Variants in POLR1C observed in about 807,000 individuals in gnomAD.
The protein encoded by POLR1C is RNA polymerase I and III subunit C, also known as DNA-directed RNA polymerases I and III subunit RPAC1.
In POLR1C, 42 loss-of-function variants were observed where a neutral mutation model predicts 38.3. The observed-to-expected ratio is 1.10, with a 90% CI of 0.86 to 1.42. The LOEUF (loss-of-function observed/expected upper bound fraction) is 1.42, where lower values mean the gene tolerates loss of function less well. Among genes scored for constraint, POLR1C ranks in the 40% most tolerant of loss-of-function variants. The probability of loss-of-function intolerance (pLI) is 0.00; values close to 1 mark genes in which losing one functional copy is unlikely to be tolerated. For missense variants in POLR1C, 507 were observed against 450.5 expected (o/e 1.13, Z -1.14); for synonymous variants, 163 against 163.9 (o/e 0.99, Z 0.04).
chr6:43,523,896 C>T (rs1561861048), downstream of POLR1C: 1 of 1,614,008 alleles, frequency 6.2e-7, no homozygotes, highest in Non-Finnish European at 8.5e-7. Context: ...GGCCAGGCCA[C>T]CCCCATCATT....
intron 9 of POLR1C, among the ~76,000 whole-genome samples, chr6:43,537,123 C>G (rs891261753): frequency 6.7e-6 from 1 of 149,798 alleles, no homozygotes; most frequent in African/African-American, 2.5e-5. Context: ...TGCACCACCA[C>G]ACGTGAATAA....
chr6:43,553,545 A>C, intron 10 of POLR1C: 1 of 1,534,868 alleles, frequency 6.5e-7, no homozygotes, highest in Non-Finnish European at 8.8e-7. Context: ...ACACACACAC[A>C]CACAATTATC....
intron 10 of POLR1C, chr6:43,560,780 C>A: frequency 2.8e-6 from 2 of 703,910 alleles, no homozygotes; most frequent in Non-Finnish European, 2.4e-6. Flanking sequence ...GCCAATAATT[C>A]TCTTAATGAA....
At chr6:43,542,982 T>C (rs771206417) in intron 9 of POLR1C, among the ~76,000 whole-genome samples, 9 of 152,264 alleles carry the variant, frequency 5.9e-5, no homozygotes, top group Non-Finnish European at 1.2e-4. Flanking sequence ...CAAGGCTGAA[T>C]AGTTACAGCA....
At chr6:43,538,312 G>A (rs1165802315) in intron 9 of POLR1C, among the ~76,000 whole-genome samples, 3 of 151,560 alleles carry the variant, frequency 2.0e-5, no homozygotes, top group African/African-American at 4.8e-5. Flanking sequence ...ACCACACCTG[G>A]TTACTTTTTT....
chr6:43,556,027 A>C (rs1762063199), intron 10 of POLR1C: 1 of 1,584,304 alleles, frequency 6.3e-7, no homozygotes, highest in Non-Finnish European at 8.6e-7. Context: ...TAAGTACTTA[A>C]TGTTTATTAA....
chr6:43,550,396 CA>C (rs1242204314), intron 9 of POLR1C, among the ~76,000 whole-genome samples: 15 of 152,188 alleles, frequency 9.9e-5, no homozygotes, highest in Non-Finnish European at 1.8e-4. Context: ...TAATTTGCAA[CA>C]AATGAGCCCA....
intron 9 of POLR1C, among the ~76,000 whole-genome samples, chr6:43,549,284 G>A (rs1181309682): frequency 6.6e-6 from 1 of 152,076 alleles, no homozygotes; most frequent in East Asian, 1.9e-4. Context: ...GGCTGGTCCC[G>A]AACCCCTGGC....
At chr6:43,525,085 G>A (rs1306498981), downstream of POLR1C, 2 of 1,568,656 alleles carry the variant, frequency 1.3e-6, no homozygotes, top group East Asian at 2.4e-5. Context: ...GAGGGGCAGG[G>A]AAAAGGGGTG....
At chr6:43,560,435 A>G in intron 10 of POLR1C, 1 of 1,154,084 alleles carries the variant, frequency 8.7e-7, no homozygotes, top group Non-Finnish European at 1.2e-6. Context: ...TCTCTACTGC[A>G]ATTTATCAGT....
Position 43,561,064 on chromosome 6 carries a change from A to C in POLR1C, c.*49-336A>C, listed in dbSNP as rs993231319. On this transcript the variant is annotated intron_variant, in intron 10 of 10. Transcript: ENST00000607635. ...TGATCGAGAAAAGCAGGAGAGGAAA[A>C]AGCAGGGAAGTAATAAAAACAGATA... 1.6e-5 allele frequency: 22 copies of C among 1,359,850 alleles called. No individual in the cohort carries two copies. In the Admixed American group the frequency reaches 2.4e-4, roughly 15 times the overall value. 84.2% of individuals were successfully genotyped at this position (1,359,850 alleles called of 1,614,324 possible). A position where few individuals can be genotyped will look rare whatever the true frequency, so the allele number is the denominator to read the frequency against.
At chr6:43,525,760 G>T, downstream of POLR1C, 2 of 1,445,930 alleles carry the variant, frequency 1.4e-6, no homozygotes. Context: ...ACTCTTGATA[G>T]CACCATAGAG....
intron 10 of POLR1C, among the ~76,000 whole-genome samples, chr6:43,558,320 A>C (rs1482419363): frequency 6.6e-6 from 1 of 152,120 alleles, no homozygotes; most frequent in Non-Finnish European, 1.5e-5. Flanking sequence ...GTAAAACAAA[A>C]TATTATGCCT....
At chr6:43,557,405 G>A (rs1306875948) in intron 10 of POLR1C, among the ~76,000 whole-genome samples, 1 of 151,680 alleles carries the variant, frequency 6.6e-6, no homozygotes, top group Non-Finnish European at 1.5e-5. Context: ...CAGCCTGGGC[G>A]ACAGAGCGAG....
intron 2 of POLR1C, among the ~76,000 whole-genome samples, chr6:43,518,259 T>C (rs1310172521): frequency 6.6e-6 from 1 of 152,208 alleles, no homozygotes; most frequent in Non-Finnish European, 1.5e-5. Context: ...GTTGAAGACA[T>C]GAACTAAGAC....
chr6:43,556,220 G>A, intron 10 of POLR1C: 1 of 383,762 alleles, frequency 2.6e-6, no homozygotes, highest in African/African-American at 2.0e-5. Context: ...TCCCATTTCT[G>A]TTTGAATTAA....
At chr6:43,561,143 TAAAG>T in intron 10 of POLR1C, 1 of 696,888 alleles carries the variant, frequency 1.4e-6, no homozygotes, top group South Asian at 1.9e-5. Context: ...TCCTTTTGGC[TAAAG>T]AAAGGCATCA....
At chr6:43,536,541 G>A (rs1219516284) in intron 9 of POLR1C, among the ~76,000 whole-genome samples, 7 of 151,276 alleles carry the variant, frequency 4.6e-5, no homozygotes, top group Admixed American at 4.6e-4. Flanking sequence ...GGTGGATCAC[G>A]AGGTCAGGAG....
intron 10 of POLR1C, chr6:43,553,462 C>A: frequency 6.3e-7 from 1 of 1,577,306 alleles, no homozygotes; most frequent in Non-Finnish European, 8.6e-7. Flanking sequence ...GGTGAGAAGA[C>A]GGAACAGAGG....
Sources: gnomAD v4.1 joint callset for allele counts (sites outside exome capture counted in the v4.1 genomes callset) on GRCh38, gnomAD v4.1.1 for gene constraint, MANE v1.5 for transcripts, NCBI Gene and HGNC (gene_info 2026-07-23, HGNC 2026-07-21) for gene names.